Variants in PRELID2 observed in about 807,000 individuals in gnomAD.
PRELID2 encodes PRELI domain containing 2.
A neutral mutation model predicts 28.4 loss-of-function variants in PRELID2; 25 were observed. The ratio of observed to expected loss-of-function variants is 0.88; its 90% CI spans 0.64 to 1.23. The LOEUF (loss-of-function observed/expected upper bound fraction) is 1.23, where lower values mean the gene tolerates loss of function less well. PRELID2 is among the 50% of genes most tolerant of loss of function. The probability of loss-of-function intolerance (pLI) is 0.00; values close to 1 mark genes in which losing one functional copy is unlikely to be tolerated. For missense variants in PRELID2, 201 were observed against 214.4 expected (o/e 0.94, Z 0.39); for synonymous variants, 76 against 71.6 (o/e 1.06, Z -0.31).
At chr5:145,421,518 C>T in the PRELID2 span, among the ~76,000 whole-genome samples, 2 of 148,272 alleles carry the variant, frequency 1.3e-5, no homozygotes, top group Non-Finnish European at 3.0e-5. Flanking sequence ...AGTTTATTTG[C>T]ATAGAGGTGT....
intron 1 of PRELID2, among the ~76,000 whole-genome samples, chr5:145,575,787 T>C (rs1753055571): frequency 1.3e-5 from 2 of 152,126 alleles, no homozygotes; most frequent in African/African-American, 2.4e-5. Flanking sequence ...ACCTTGCATA[T>C]ATTGCGTCTG....
the PRELID2 span, among the ~76,000 whole-genome samples, chr5:145,310,320 G>A: frequency 2.5e-3 from 383 of 152,242 alleles, 1 homozygote; most frequent in South Asian, 9.5e-3. Context: ...TAGACATTTC[G>A]ATTTTTCCTT....
the PRELID2 span, among the ~76,000 whole-genome samples, chr5:145,283,103 C>T: frequency 1.8e-4 from 28 of 152,222 alleles, no homozygotes; most frequent in South Asian, 2.1e-3. Flanking sequence ...TCATTTCAGC[C>T]GCCCCTAGAA....
intron 1 of PRELID2, among the ~76,000 whole-genome samples, chr5:145,747,646 A>AAGGAAGGACTCCTCCCT (rs1554088863): frequency 0.83 from 125,788 of 152,042 alleles, 52,299 homozygotes; most frequent in East Asian, 0.96. Context: ...AAACAATAAA[A>AAGGAAGGACTCCTCCCT]AACACATTTC....
At chr5:145,550,620 GA>G (rs1369836814) in intron 1 of PRELID2, among the ~76,000 whole-genome samples, 1 of 151,992 alleles carries the variant, frequency 6.6e-6, no homozygotes, top group African/African-American at 2.4e-5. Flanking sequence ...CTATACTAAA[GA>G]AGGACCTTAA....
chr5:145,556,501 A>G (rs1166909131), intron 1 of PRELID2, among the ~76,000 whole-genome samples: 2 of 152,206 alleles, frequency 1.3e-5, no homozygotes, highest in African/African-American at 2.4e-5. Context: ...ATCCTAGATT[A>G]GGCTACCTAA....
the PRELID2 span, among the ~76,000 whole-genome samples, chr5:145,260,962 C>T: frequency 6.6e-6 from 1 of 152,112 alleles, no homozygotes; most frequent in Non-Finnish European, 1.5e-5. Flanking sequence ...AAATTTGGTG[C>T]TATTGAGTGG....
the PRELID2 span, among the ~76,000 whole-genome samples, chr5:145,372,560 T>C: frequency 6.6e-6 from 1 of 151,978 alleles, no homozygotes. Context: ...TTTAGAATAA[T>C]TAGCTCTTCT....
chr5:145,535,657 T>C (rs1170263599), intron 1 of PRELID2, among the ~76,000 whole-genome samples: 1 of 151,894 alleles, frequency 6.6e-6, no homozygotes, highest in Non-Finnish European at 1.5e-5. Context: ...ACGTGTATAA[T>C]TTCATAGCTG....
At chr5:145,426,462 T>C in the PRELID2 span, among the ~76,000 whole-genome samples, 1 of 152,284 alleles carries the variant, frequency 6.6e-6, no homozygotes, top group East Asian at 1.9e-4. Flanking sequence ...ATCTAACTTT[T>C]GAGGTAAATT....
intron 1 of PRELID2, among the ~76,000 whole-genome samples, chr5:145,610,404 T>C (rs1753596918): frequency 6.6e-6 from 1 of 151,926 alleles, no homozygotes; most frequent in African/African-American, 2.4e-5. Flanking sequence ...TAGTCCACCA[T>C]CTTGACCCAT....
the PRELID2 span, among the ~76,000 whole-genome samples, chr5:145,414,827 G>A: frequency 2.0e-5 from 3 of 152,156 alleles, no homozygotes; most frequent in South Asian, 6.2e-4. Context: ...CAGCACAATG[G>A]CATAGGCAGA....
chr5:145,427,332 G>A, the PRELID2 span, among the ~76,000 whole-genome samples: 1 of 152,204 alleles, frequency 6.6e-6, no homozygotes, highest in Non-Finnish European at 1.5e-5. Flanking sequence ...GTTACCAAAA[G>A]AGCCCTGTGA....
At chr5:145,247,727 A>G in the PRELID2 span, among the ~76,000 whole-genome samples, 14 of 152,262 alleles carry the variant, frequency 9.2e-5, no homozygotes, top group Admixed American at 9.2e-4. Flanking sequence ...GCACACAGAT[A>G]AAGCTGTCCC....
At chr5:145,265,962 A>C in the PRELID2 span, among the ~76,000 whole-genome samples, 1 of 152,156 alleles carries the variant, frequency 6.6e-6, no homozygotes, top group African/African-American at 2.4e-5. Context: ...TAAATAGACA[A>C]TAGACGGGAC....
the PRELID2 span, among the ~76,000 whole-genome samples, chr5:145,379,343 A>G: frequency 6.6e-6 from 1 of 151,892 alleles, no homozygotes; most frequent in African/African-American, 2.4e-5. Flanking sequence ...GGACTGCCTG[A>G]CTCCCTGTCA....
chr5:145,380,754 A>C, the PRELID2 span, among the ~76,000 whole-genome samples: 1 of 152,204 alleles, frequency 6.6e-6, no homozygotes, highest in Non-Finnish European at 1.5e-5. Context: ...GAAATAATGA[A>C]TGAAAGAATG....
At chr5:145,333,898 C>A in the PRELID2 span, among the ~76,000 whole-genome samples, 1 of 151,824 alleles carries the variant, frequency 6.6e-6, no homozygotes, top group Admixed American at 6.6e-5. Context: ...AAAACCCAGG[C>A]CCTTGGTTTT....
intron 1 of PRELID2, among the ~76,000 whole-genome samples, chr5:145,739,108 G>A (rs145816093): frequency 2.1e-3 from 321 of 152,234 alleles, no homozygotes; most frequent in African/African-American, 6.1e-3. Context: ...AGGAAATCAA[G>A]ACACTTTCAG....
Sources: allele counts gnomAD v4.1 joint callset (sites outside exome capture counted in the v4.1 genomes callset), GRCh38; gene constraint gnomAD v4.1.1; transcripts MANE v1.5; gene names NCBI Gene and HGNC (gene_info 2026-07-23, HGNC 2026-07-21).